Variants in THAP5 observed in about 807,000 individuals in gnomAD.
The protein encoded by THAP5 is THAP domain-containing protein 5.
THAP5 carries 26 observed loss-of-function variants against 34.0 expected under a neutral mutation model. That is an observed-to-expected ratio of 0.77 (90% CI 0.56 to 1.06). THAP5 has a LOEUF of 1.06. Ranked by LOEUF, THAP5 falls within the 50% of genes least tolerant of loss-of-function variation. The pLI is 0.00. For missense variants in THAP5, 394 were observed against 452.8 expected, an observed-to-expected ratio of 0.87 and a Z score of 1.18; for synonymous variants, 125 against 153.0, an observed-to-expected ratio of 0.82 and a Z score of 1.35.
rs147719254 is a variant in THAP5 at position 108,564,681 on chromosome 7, G to A, written c.698C>T (p.Ala233Val). The stretch of plus-strand genomic sequence containing the variant: ...GGAATTACTTGTAAAGTTTGGATTA[G>A]CAAGATGACTGGTAGTTACTTCAAG... Reference protein sequence around the residue: ...EVLEVTTSHLANPNFTSNSME... With the variant: ...EVLEVTTSHLVNPNFTSNSME... Residue 233 changes from alanine to valine, a missense_variant, in exon 3 of 3, where the codon GCT becomes GTT. Transcript: ENST00000415914. 265 of 1,613,832 alleles carry A rather than the reference G, an allele frequency of 1.6e-4. No individual in the cohort carries two copies. In the Middle Eastern group the frequency reaches 1.8e-3, roughly 11 times the overall value.
the THAP5 span, among the ~76,000 whole-genome samples, chr7:108,545,521 G>A: frequency 6.6e-6 from 1 of 152,112 alleles, no homozygotes; most frequent in Non-Finnish European, 1.5e-5. Flanking sequence ...AATAAATTTA[G>A]GTAGAGCTTA....
rs776485052 is a variant in THAP5, at chr7:108,566,039, A to G, written c.81-17T>C. On this transcript the variant is annotated splice_polypyrimidine_tract_variant and intron_variant, in intron 1 of 2. Coordinates refer to ENST00000415914, the MANE Select transcript of THAP5 (RefSeq NM_001130475.3). ...AGAGGAAATCTGGAATTTAAAAAAA[A>G]AAGAAGAAAAAAGGAAAAACTTTGC... 1.8e-4 allele frequency: 263 copies of G among 1,495,526 alleles called. No individual in the cohort carries two copies. The highest frequency in any genetic ancestry group is 2.2e-4 in the Non-Finnish European group (247 of 1,127,188). The allele number at this position is 1,495,526 out of a possible 1,614,324, so 92.6% of individuals were successfully genotyped here.
At chr7:108,545,193 T>G in the THAP5 span, among the ~76,000 whole-genome samples, 21 of 152,176 alleles carry the variant, frequency 1.4e-4, no homozygotes, top group Non-Finnish European at 2.1e-4. Flanking sequence ...TGAATTGATA[T>G]AAGATTTAAA....
At chr7:108,550,177 T>C (rs1414336077), downstream of THAP5, among the ~76,000 whole-genome samples, 1 of 152,228 alleles carries the variant, frequency 6.6e-6, no homozygotes, top group Non-Finnish European at 1.5e-5. Context: ...TCTATGTTTT[T>C]CCTTCAGAAT....
At chr7:108,561,863 G>A (rs908933105), downstream of THAP5, among the ~76,000 whole-genome samples, 6 of 152,168 alleles carry the variant, frequency 3.9e-5, no homozygotes, top group Non-Finnish European at 5.9e-5. Context: ...TGTAATTTAG[G>A]CAAGTGAGAA....
chr7:108,562,073 C>A (rs560338999), downstream of THAP5, among the ~76,000 whole-genome samples: 1 of 152,122 alleles, frequency 6.6e-6, no homozygotes, highest in Non-Finnish European at 1.5e-5. Context: ...ATTTCCTTTG[C>A]GTGTCATGTT....
Position 108,569,504 on chromosome 7 carries a change from C to T in THAP5, c.66G>A (p.Lys22=). 1 of 1,551,820 alleles carries T rather than the reference C, an allele frequency of 6.4e-7. No individual in the cohort carries two copies. ...AAACAACTTACGGATAAAAACTCAG[C>T]TTCCGGTCTTTATTGTTTCGTCCCC... ...NRRGRNNKDR[K]LSFYPFPLHD... is the part of the protein sequence containing the mutation. Residue 22 remains lysine, a synonymous_variant, in exon 1 of 3, where the codon AAG becomes AAA. Coordinates refer to ENST00000415914, the MANE Select transcript of THAP5 (RefSeq NM_001130475.3).
chr7:108,564,647 T>C lies in THAP5; in HGVS notation c.732A>G (p.Ile244Met), dbSNP rs770357701. The C allele has an allele frequency of 6.2e-7, 1 of 1,613,836 alleles. No homozygotes were observed. Among genetic ancestry groups the C allele is most frequent in the Admixed American group, 1.7e-5 (1 of 60,028 alleles). Residue 244 changes from isoleucine to methionine, a missense_variant, in exon 3 of 3, where the codon ATA (isoleucine) becomes ATG (methionine). Coordinates refer to ENST00000415914, the MANE Select transcript of THAP5 (RefSeq NM_001130475.3). ...AGAATGGATTTTCCTGTGCTGACTT[T>C]ATTTCCATGGAATTACTTGTAAAGT... ...NPNFTSNSMEIKSAQENPFLF... is the reference protein window; with the variant it reads ...NPNFTSNSMEMKSAQENPFLF...
At chr7:108,549,146 T>G in the THAP5 span, among the ~76,000 whole-genome samples, 1 of 141,164 alleles carries the variant, frequency 7.1e-6, no homozygotes, top group African/African-American at 2.5e-5. Flanking sequence ...TTTTTTTTTT[T>G]GAGTCTCGCT....
chr7:108,550,290 G>A (rs1353685556), downstream of THAP5, among the ~76,000 whole-genome samples: 1 of 152,068 alleles, frequency 6.6e-6, no homozygotes, highest in Non-Finnish European at 1.5e-5. Flanking sequence ...TCTTCTTGCT[G>A]AAGGTCTGTA....
At chr7:108,567,031 G>A (rs747184674) in intron 1 of THAP5, among the ~76,000 whole-genome samples, 1 of 151,882 alleles carries the variant, frequency 6.6e-6, no homozygotes, top group Non-Finnish European at 1.5e-5. Flanking sequence ...CTCCCTTCCC[G>A]CAATCCCAAT....
downstream of THAP5, among the ~76,000 whole-genome samples, chr7:108,560,018 TTA>T (rs1170958520): frequency 6.6e-6 from 1 of 152,240 alleles, no homozygotes; most frequent in Non-Finnish European, 1.5e-5. Flanking sequence ...TATCTTCAGG[TTA>T]TTTCAGAATT....
At position 108,564,193 on chromosome 7, in the gene THAP5, A is replaced by C; in HGVS notation, c.1186T>G (p.Ter396GluextTer3). The C allele has an allele frequency of 6.4e-7, 1 of 1,571,972 alleles. No individual in the cohort carries two copies. The change falls in exon 3 of 3, where the codon TAG (stop) becomes GAG (glutamate). Residue 396 changes from the stop codon to glutamate, a stop_lost. Transcript: ENST00000415914. The part of the protein sequence containing the change: ...HFTTYEVTMI[*>E] ...CATAGTTTTAAAACCTAGTTATTCT[A>C]TATCATAGTGACTTCATATGTTGTA... is the stretch of plus-strand genomic sequence containing the variant.
chr7:108,544,596 CAT>C, the THAP5 span, among the ~76,000 whole-genome samples: 1 of 151,494 alleles, frequency 6.6e-6, no homozygotes, highest in Non-Finnish European at 1.5e-5. Context: ...ACAACAACAA[CAT>C]ATGGGGAGTA....
downstream of THAP5, among the ~76,000 whole-genome samples, chr7:108,550,323 G>A (rs1864345699): frequency 6.6e-6 from 1 of 151,948 alleles, no homozygotes; most frequent in Non-Finnish European, 1.5e-5. Context: ...TATATTTATA[G>A]CTCTGACTTT....
At chr7:108,548,671 G>A in the THAP5 span, among the ~76,000 whole-genome samples, 1 of 152,184 alleles carries the variant, frequency 6.6e-6, no homozygotes, top group Non-Finnish European at 1.5e-5. Context: ...GCAAAGTCAT[G>A]TCTTACAAGG....
chr7:108,549,089 TACACACACACACACACACAC>T, the THAP5 span, among the ~76,000 whole-genome samples: 1 of 136,504 alleles, frequency 7.3e-6, no homozygotes, highest in Non-Finnish European at 1.6e-5. Context: ...ACATGCTTAA[TACACACACACACACACACAC>T]ACACACACAC....
At chr7:108,557,774 C>T (rs1864397055), downstream of THAP5, among the ~76,000 whole-genome samples, 1 of 152,212 alleles carries the variant, frequency 6.6e-6, no homozygotes, top group Non-Finnish European at 1.5e-5. Context: ...TCCAAAACTG[C>T]TTCTACATTT....
downstream of THAP5, among the ~76,000 whole-genome samples, chr7:108,554,058 G>T (rs1564007602): frequency 6.6e-6 from 1 of 152,062 alleles, no homozygotes; most frequent in Admixed American, 6.6e-5. Context: ...GGTGAGTTTG[G>T]CCCCCTAACT....
Sources: gnomAD v4.1 joint callset for allele counts (sites outside exome capture counted in the v4.1 genomes callset) on GRCh38, gnomAD v4.1.1 for gene constraint, MANE v1.5 for transcripts, NCBI Gene and HGNC (gene_info 2026-07-23, HGNC 2026-07-21) for gene names.